The following LRMDA variants were observed in gnomAD, a reference collection of about 807,000 sequenced individuals.
LRMDA encodes leucine-rich melanocyte differentiation-associated protein.
A neutral mutation model predicts 29.8 loss-of-function variants in LRMDA; 18 were observed. That is an observed-to-expected ratio of 0.60 (90% CI 0.42 to 0.90). The LOEUF (loss-of-function observed/expected upper bound fraction) is 0.90, where lower values mean the gene tolerates loss of function less well. Among genes scored for constraint, LRMDA ranks in the 40% least tolerant of loss-of-function variants. The pLI is 0.00. For missense variants in LRMDA, 273 were observed against 273.9 expected (o/e 1.00, Z 0.02); for synonymous variants, 125 against 109.4 (o/e 1.14, Z -0.89).
chr10:76,213,977 C>G (rs1249013706), intron 5 of LRMDA, among the ~76,000 whole-genome samples: 3 of 152,148 alleles, frequency 2.0e-5, no homozygotes, highest in Admixed American at 2.0e-4. Flanking sequence ...GTTAGGGACA[C>G]TGCACATCTA....
At chr10:76,187,171 C>T (rs562748523) in intron 5 of LRMDA, among the ~76,000 whole-genome samples, 3 of 152,222 alleles carry the variant, frequency 2.0e-5, no homozygotes, top group African/African-American at 2.4e-5. Flanking sequence ...TCTAAAAGGA[C>T]ACTATCCACA....
At chr10:76,044,685 C>T (rs1848400106) in intron 3 of LRMDA, among the ~76,000 whole-genome samples, 1 of 152,148 alleles carries the variant, frequency 6.6e-6, no homozygotes, top group African/African-American at 2.4e-5. Context: ...GTGGGACCTT[C>T]TCTCCAGTCT....
chr10:76,107,048 A>G (rs1346105752), intron 5 of LRMDA, among the ~76,000 whole-genome samples: 1 of 152,148 alleles, frequency 6.6e-6, no homozygotes, highest in Non-Finnish European at 1.5e-5. Flanking sequence ...TCAGGCATTG[A>G]TCTTTCACAA....
intron 2 of LRMDA, among the ~76,000 whole-genome samples, chr10:75,961,550 C>T (rs1383155305): frequency 1.3e-5 from 2 of 152,180 alleles, no homozygotes; most frequent in Non-Finnish European, 2.9e-5. Flanking sequence ...GTTTACTCTG[C>T]TATTGGAGTG....
At chr10:76,198,712 C>A (rs1851375164) in intron 5 of LRMDA, among the ~76,000 whole-genome samples, 1 of 152,200 alleles carries the variant, frequency 6.6e-6, no homozygotes, top group African/African-American at 2.4e-5. Flanking sequence ...ATGAACTATC[C>A]AGTTGTGAGC....
At chr10:76,417,033 G>A (rs908300711) in intron 6 of LRMDA, among the ~76,000 whole-genome samples, 1 of 152,178 alleles carries the variant, frequency 6.6e-6, no homozygotes, top group Non-Finnish European at 1.5e-5. Flanking sequence ...TAACTTTCCT[G>A]ACTCCCTTAT....
At chr10:75,847,664 C>T (rs1017482508) in intron 2 of LRMDA, among the ~76,000 whole-genome samples, 2 of 152,054 alleles carry the variant, frequency 1.3e-5, no homozygotes, top group Non-Finnish European at 2.9e-5. Context: ...AAGATGACCT[C>T]ATTAAAAAAT....
chr10:75,519,733 C>T (rs1438266064), intron 2 of LRMDA, among the ~76,000 whole-genome samples: 3 of 152,170 alleles, frequency 2.0e-5, no homozygotes, highest in African/African-American at 4.8e-5. Flanking sequence ...ATGACATTAG[C>T]TGGTTATTTT....
chr10:75,906,252 CT>C (rs1845756709), intron 2 of LRMDA, among the ~76,000 whole-genome samples: 1 of 152,150 alleles, frequency 6.6e-6, no homozygotes. Context: ...TGGTTGTCAG[CT>C]TTTTTAGTTT....
At chr10:76,383,406 A>G (rs1053976362) in intron 6 of LRMDA, among the ~76,000 whole-genome samples, 8 of 139,576 alleles carry the variant, frequency 5.7e-5, no homozygotes, top group Non-Finnish European at 1.2e-4. Context: ...GAGTACACCA[A>G]TGTCTTTTCT....
chr10:76,153,323 A>C (rs1216581249), intron 5 of LRMDA, among the ~76,000 whole-genome samples: 1 of 152,190 alleles, frequency 6.6e-6, no homozygotes, highest in Non-Finnish European at 1.5e-5. Flanking sequence ...AATTTTGATG[A>C]AATTCAATGT....
At chr10:75,681,718 G>A (rs1479867694) in intron 2 of LRMDA, among the ~76,000 whole-genome samples, 4 of 152,216 alleles carry the variant, frequency 2.6e-5, no homozygotes, top group African/African-American at 4.8e-5. Flanking sequence ...GCCTAGACCA[G>A]TATCAGTGGA....
At chr10:75,849,520 G>A (rs925321419) in intron 2 of LRMDA, among the ~76,000 whole-genome samples, 7 of 152,092 alleles carry the variant, frequency 4.6e-5, no homozygotes, top group Non-Finnish European at 8.8e-5. Flanking sequence ...GCCAAACACC[G>A]CATGTTCTCA....
intron 5 of LRMDA, among the ~76,000 whole-genome samples, chr10:76,106,999 T>A (rs1379183985): frequency 1.3e-5 from 2 of 152,208 alleles, no homozygotes; most frequent in African/African-American, 4.8e-5. Flanking sequence ...AGAGCAGCTA[T>A]TTCTGCCCAG....
At position 76,257,971 on chromosome 10, in the gene LRMDA, A is replaced by G. The variant is rs139168085; in HGVS notation, c.517-66430A>G. ...ACCTGGTGGGAGAAAGGTTCCCTTA[A>G]CAGGAGAAGGAAAACTCCATGCTCA... On this transcript the variant is annotated intron_variant, in intron 5 of 6. Coordinates refer to ENST00000611255, the MANE Select transcript of LRMDA (RefSeq NM_001305581.2). 1.8e-3 allele frequency among the ~76,000 whole-genome samples: 268 copies of G among 152,348 alleles called. 3 individuals carry two copies. The highest frequency in any genetic ancestry group is 6.8e-3 in the Middle Eastern group (2 of 294).
intron 2 of LRMDA, among the ~76,000 whole-genome samples, chr10:76,006,775 C>T (rs566899676): frequency 6.6e-6 from 1 of 152,250 alleles, no homozygotes; most frequent in Admixed American, 6.5e-5. Context: ...CCTGCTGATC[C>T]TACTAAATAA....
chr10:75,699,665 T>C (rs1589163001), intron 2 of LRMDA, among the ~76,000 whole-genome samples: 1 of 152,236 alleles, frequency 6.6e-6, no homozygotes, highest in East Asian at 1.9e-4. Flanking sequence ...ACTCATCTAC[T>C]GATTGGTTTC....
Position 76,365,107 on chromosome 10 carries a change from T to TATATATATATATATATATATAGACAC in LRMDA, c.601+40623_601+40624insTATATATATATATATATATAGACACA, listed in dbSNP as rs141131236. Among the ~76,000 whole-genome samples, 2 of 61,202 alleles carry TATATATATATATATATATATAGACAC rather than the reference T, an allele frequency of 3.3e-5. 1 individual carries two copies. The highest frequency in any genetic ancestry group is 8.7e-5 in the Non-Finnish European group (2 of 23,082). 40.2% of individuals were successfully genotyped at this position (61,202 alleles called of 152,430 possible). A position where few individuals can be genotyped will look rare whatever the true frequency, so the allele number is the denominator to read the frequency against. On this transcript the variant is annotated intron_variant, in intron 6 of 6. Coordinates refer to ENST00000611255, the MANE Select transcript of LRMDA (RefSeq NM_001305581.2). ...ACACATATATATATATATATATATA[T>TATATATATATATATATATATAGACAC]ACACACACACACATACACACCACAG...
At chr10:76,044,536 C>T (rs2132038140) in intron 3 of LRMDA, among the ~76,000 whole-genome samples, 1 of 146,528 alleles carries the variant, frequency 6.8e-6, no homozygotes, top group Non-Finnish European at 1.5e-5. Flanking sequence ...TGGAATTGTT[C>T]ACTGTCATTT....
Sources: gnomAD v4.1 joint callset for allele counts (sites outside exome capture counted in the v4.1 genomes callset) on GRCh38, gnomAD v4.1.1 for gene constraint, MANE v1.5 for transcripts, NCBI Gene and HGNC (gene_info 2026-07-23, HGNC 2026-07-21) for gene names.